The following PTPRD variants were observed in gnomAD, a reference collection of about 807,000 sequenced individuals.
The protein encoded by PTPRD is receptor-type tyrosine-protein phosphatase delta.
Under a neutral mutation model 214.5 loss-of-function variants are expected in PTPRD, and 34 were observed. That is an observed-to-expected ratio of 0.16 (90% confidence interval 0.12 to 0.21). The LOEUF is 0.21. PTPRD is among the 10% of genes least tolerant of loss of function. The pLI is 1.00. For synonymous variants in PTPRD, 1,128 were observed against 845.7 expected (o/e 1.33, Z -5.79); for missense variants, 2,545 against 2,398.7 (o/e 1.06, Z -1.27).
intron 2 of PTPRD, among the ~76,000 whole-genome samples, chr9:10,550,707 G>C (rs888853232): frequency 3.3e-5 from 5 of 152,176 alleles, no homozygotes; most frequent in Admixed American, 6.5e-5. Flanking sequence ...CAAAAAAGCA[G>C]AAATACCCCA....
chr9:10,180,513 C>A (rs2099275970), intron 3 of PTPRD, among the ~76,000 whole-genome samples: 1 of 148,504 alleles, frequency 6.7e-6, no homozygotes, highest in South Asian at 2.2e-4. Flanking sequence ...CAAGAGAGTC[C>A]ATCTAATTTT....
intron 4 of PTPRD, among the ~76,000 whole-genome samples, chr9:10,016,333 G>T (rs2096711392): frequency 6.6e-6 from 1 of 150,988 alleles, no homozygotes; most frequent in Non-Finnish European, 1.5e-5. Context: ...TGTGTCCAGG[G>T]AAATGAGATA....
At chr9:8,503,073 G>A (rs963923903) in intron 23 of PTPRD, among the ~76,000 whole-genome samples, 2 of 151,770 alleles carry the variant, frequency 1.3e-5, no homozygotes, top group African/African-American at 2.4e-5. Context: ...AATTTTATGG[G>A]AATAAACGAT....
intron 7 of PTPRD, among the ~76,000 whole-genome samples, chr9:9,654,115 G>C (rs563116243): frequency 6.6e-6 from 1 of 152,102 alleles, no homozygotes; most frequent in Admixed American, 6.5e-5. Flanking sequence ...TCTTACAAAG[G>C]AGTACACTTT....
At chr9:10,193,437 G>A (rs1276776013) in intron 3 of PTPRD, among the ~76,000 whole-genome samples, 1 of 152,014 alleles carries the variant, frequency 6.6e-6, no homozygotes, top group Non-Finnish European at 1.5e-5. Context: ...GATTACCCAT[G>A]AGAGGTCGAG....
chr9:9,808,693 A>G (rs2046198203), intron 5 of PTPRD, among the ~76,000 whole-genome samples: 1 of 152,130 alleles, frequency 6.6e-6, no homozygotes, highest in African/African-American at 2.4e-5. Flanking sequence ...TATTTCCTCT[A>G]AAAATTATTT....
At chr9:8,421,577 C>G (rs1433979866) in intron 35 of PTPRD, among the ~76,000 whole-genome samples, 1 of 152,156 alleles carries the variant, frequency 6.6e-6, no homozygotes, top group South Asian at 2.1e-4. Context: ...CGAATCAAAT[C>G]TGCCATATAC....
intron 5 of PTPRD, among the ~76,000 whole-genome samples, chr9:9,918,412 A>C (rs2081573325): frequency 6.6e-6 from 1 of 151,354 alleles, no homozygotes; most frequent in Admixed American, 6.6e-5. Context: ...AAATAATTGA[A>C]GAAGATACAA....
intron 9 of PTPRD, among the ~76,000 whole-genome samples, chr9:9,388,353 C>A (rs1034751942): frequency 2.6e-5 from 4 of 152,090 alleles, no homozygotes; most frequent in African/African-American, 9.7e-5. Context: ...AGCCAGGGAC[C>A]ACACACTCCT....
intron 11 of PTPRD, among the ~76,000 whole-genome samples, chr9:8,772,373 C>T (rs1302461732): frequency 4.0e-5 from 5 of 124,040 alleles, no homozygotes; most frequent in African/African-American, 5.9e-5. Flanking sequence ...CTTTTTAAAA[C>T]ATAAAGGAGC....
chr9:8,760,587 CCTCT>C (rs978928559), intron 11 of PTPRD, among the ~76,000 whole-genome samples: 19 of 148,848 alleles, frequency 1.3e-4, no homozygotes, highest in Middle Eastern at 3.4e-3. Flanking sequence ...TCCCTTGCTC[CCTCT>C]CTCTGTCTGT....
chr9:8,328,413 T>G (rs1467371482), intron 44 of PTPRD, among the ~76,000 whole-genome samples: 1 of 152,208 alleles, frequency 6.6e-6, no homozygotes, highest in Non-Finnish European at 1.5e-5. Context: ...CTTCCCTTTG[T>G]GGGCACGCCG....
chr9:9,112,728 T>G (rs1175192633), intron 10 of PTPRD, among the ~76,000 whole-genome samples: 1 of 152,162 alleles, frequency 6.6e-6, no homozygotes, highest in Non-Finnish European at 1.5e-5. Context: ...CATAGAATTT[T>G]AGTCTTAACA....
chr9:9,424,824 G>C (rs1156621356), intron 8 of PTPRD, among the ~76,000 whole-genome samples: 1 of 152,034 alleles, frequency 6.6e-6, no homozygotes, highest in Non-Finnish European at 1.5e-5. Context: ...AAATCATTTA[G>C]AAAACGACAA....
chr9:9,987,362 G>A (rs1204713522), intron 4 of PTPRD, among the ~76,000 whole-genome samples: 1 of 152,160 alleles, frequency 6.6e-6, no homozygotes, highest in Non-Finnish European at 1.5e-5. Context: ...GAAGAAAGAG[G>A]TTTAATGGAC....
intron 12 of PTPRD, among the ~76,000 whole-genome samples, chr9:8,659,876 A>C (rs2096997435): frequency 6.6e-6 from 1 of 152,220 alleles, no homozygotes; most frequent in Non-Finnish European, 1.5e-5. Context: ...TAGAGAAAGA[A>C]TATTATCATG....
In PTPRD at chr9:10,543,481, C is replaced by T. The variant is rs534205327; in HGVS notation, c.-600+68917G>A. On this transcript the variant is annotated intron_variant, in intron 2 of 45. Coordinates refer to ENST00000381196, the MANE Select transcript of PTPRD (RefSeq NM_002839.4). ...TTGAAGAGTTTAATATATATATATA[C>T]ACACACACACACACACACACACACA... 5.9e-3 allele frequency among the ~76,000 whole-genome samples: 811 copies of T among 137,616 alleles called. 16 individuals carry two copies. Among genetic ancestry groups the T allele is most frequent in the African/African-American group, 0.021 (760 of 36,356 alleles). 90.3% of individuals were successfully genotyped at this position (137,616 alleles called of 152,430 possible). A position where few individuals can be genotyped will look rare whatever the true frequency, so the allele number is the denominator to read the frequency against.
At chr9:9,694,890 G>T (rs2097342416) in intron 7 of PTPRD, among the ~76,000 whole-genome samples, 1 of 152,292 alleles carries the variant, frequency 6.6e-6, no homozygotes, top group African/African-American at 2.4e-5. Flanking sequence ...GTCAGGTCCA[G>T]AAATGCCGTC....
intron 7 of PTPRD, among the ~76,000 whole-genome samples, chr9:9,653,818 T>C (rs565214313): frequency 3.3e-5 from 5 of 152,216 alleles, no homozygotes; most frequent in Non-Finnish European, 7.4e-5. Context: ...TAAGGACACA[T>C]GGTATCTGAA....
Sources: gnomAD v4.1 joint callset for allele counts (sites outside exome capture counted in the v4.1 genomes callset) on GRCh38, gnomAD v4.1.1 for gene constraint, MANE v1.5 for transcripts, NCBI Gene and HGNC (gene_info 2026-07-23, HGNC 2026-07-21) for gene names.